CNTRL: variants seen among roughly 807,000 people sequenced by gnomAD.
The protein encoded by CNTRL is 110 kDa centrosomal protein.
In CNTRL, 233 loss-of-function variants were observed where a neutral mutation model predicts 303.7. The observed-to-expected ratio is 0.77, with a 90% confidence interval of 0.69 to 0.86. The LOEUF is 0.86. Among genes scored for constraint, CNTRL ranks in the 40% least tolerant of loss-of-function variants. CNTRL has a pLI of 0.00. For missense variants in CNTRL, 2,524 were observed against 2,650.6 expected, an observed-to-expected ratio of 0.95 and a Z score of 1.05; for synonymous variants, 900 against 922.2, an observed-to-expected ratio of 0.98 and a Z score of 0.44.
chr9:121,164,408 C>A (rs2053000501), intron 34 of CNTRL, among the ~76,000 whole-genome samples: 2 of 152,172 alleles, frequency 1.3e-5, no homozygotes, highest in South Asian at 2.1e-4. Flanking sequence ...AATTGTCTAT[C>A]ACCTGGTAAA....
rs1287361064 is a variant in CNTRL, at chr9:121,175,215, A to G, written c.6945A>G (p.Gly2315=). 1 of 1,613,950 alleles carries G rather than the reference A, an allele frequency of 6.2e-7. No homozygotes were observed. Among genetic ancestry groups the G allele is most frequent in the Non-Finnish European group, 8.5e-7 (1 of 1,179,936 alleles). ...CCCTCACAGAGGACTCTCAACTTGG[A>G]CAAAATCAGGTAAGCAGCAGCTCTT... ...ESSLTEDSQL[G]QNQEKNASAR is the part of the protein sequence containing the mutation. Residue 2315 remains glycine (G), a synonymous_variant, in exon 43 of 44, where the codon GGA becomes GGG. Transcript: ENST00000373855.
At chr9:121,131,787 T>C (rs1028567164) in intron 14 of CNTRL, among the ~76,000 whole-genome samples, 3 of 152,228 alleles carry the variant, frequency 2.0e-5, no homozygotes, top group Non-Finnish European at 4.4e-5. Context: ...TTCCTTTCCA[T>C]GTTTAGTGCT....
intron 16 of CNTRL, 46 bp downstream of exon 16, chr9:121,138,725 A>C: frequency 6.3e-7 from 1 of 1,592,700 alleles, no homozygotes; most frequent in Non-Finnish European, 8.6e-7. Flanking sequence ...AGAACACCCA[A>C]AGATGATGAT....
chr9:121,166,215 C>CT (rs1434513551), intron 36 of CNTRL, 35 bp downstream of exon 36: 2 of 1,439,878 alleles, frequency 1.4e-6, no homozygotes, highest in East Asian at 4.7e-5. Flanking sequence ...TAGTAGTATA[C>CT]TGAGGGTATG....
chr9:121,121,078 AGATATAG>A (rs2050203517), intron 12 of CNTRL, among the ~76,000 whole-genome samples: 1 of 152,218 alleles, frequency 6.6e-6, no homozygotes, highest in African/African-American at 2.4e-5. Context: ...ATTTTTCTAT[AGATATAG>A]GTAGACTTTT....
At chr9:121,081,350 C>T (rs2048133446) in intron 2 of CNTRL, among the ~76,000 whole-genome samples, 1 of 152,250 alleles carries the variant, frequency 6.6e-6, no homozygotes, top group Non-Finnish European at 1.5e-5. Context: ...TTGCCCCATA[C>T]ACCAGATACT....
chr9:121,166,153 C>G lies in CNTRL; in HGVS notation c.5628C>G (p.Val1876=), dbSNP rs780573886. The change falls in exon 36 of 44, where the codon GTC becomes GTG. Residue 1876 remains valine (V), a synonymous_variant. Transcript: ENST00000373855. ...VNSLQEELAN[V]QDHLNLAKQD... ...CACTGCAGGAGGAACTAGCTAATGTCCAAGACCATTTGAACCTAGCAAAAC... is the reference window on the plus strand; with the variant it reads ...CACTGCAGGAGGAACTAGCTAATGTGCAAGACCATTTGAACCTAGCAAAAC... The G allele has an allele frequency of 5.8e-5, 94 of 1,612,322 alleles. No homozygotes were observed. In the Middle Eastern group the frequency reaches 9.9e-4, roughly 17 times the overall value.
chr9:121,140,600 T>A, intron 16 of CNTRL, 41 bp from the exon 17 acceptor site: 1 of 1,531,438 alleles, frequency 6.5e-7, no homozygotes, highest in Non-Finnish European at 8.9e-7. Flanking sequence ...GAAAATATGC[T>A]GGCATGTAAT....
chr9:121,127,557 A>G (rs1240348927), intron 14 of CNTRL, among the ~76,000 whole-genome samples: 1 of 152,138 alleles, frequency 6.6e-6, no homozygotes, highest in Non-Finnish European at 1.5e-5. Flanking sequence ...CAAGAGGAAT[A>G]CAAATAACTC....
intron 34 of CNTRL, among the ~76,000 whole-genome samples, chr9:121,164,096 C>CCT (rs1231714278): frequency 6.6e-6 from 1 of 152,104 alleles, no homozygotes; most frequent in Non-Finnish European, 1.5e-5. Flanking sequence ...CATCCCCTGA[C>CCT]CTCGTGATCC....
intron 14 of CNTRL, among the ~76,000 whole-genome samples, chr9:121,129,299 T>C (rs941042636): frequency 6.6e-6 from 1 of 152,244 alleles, no homozygotes; most frequent in African/African-American, 2.4e-5. Flanking sequence ...CATTTGTTTG[T>C]GTCCTCTTTT....
At chr9:121,108,839 A>G (rs2049606171) in intron 8 of CNTRL, among the ~76,000 whole-genome samples, 1 of 152,182 alleles carries the variant, frequency 6.6e-6, no homozygotes, top group Non-Finnish European at 1.5e-5. Context: ...ACAAATTTAG[A>G]CAACACAACT....
intron 1 of CNTRL, among the ~76,000 whole-genome samples, chr9:121,079,921 G>A (rs982660290): frequency 2.9e-4 from 44 of 151,822 alleles, no homozygotes; most frequent in Admixed American, 1.1e-3. Context: ...TGGAGCGCAG[G>A]GGCACGATCT....
At chr9:121,081,888 G>A (rs1388941478) in intron 2 of CNTRL, among the ~76,000 whole-genome samples, 1 of 152,172 alleles carries the variant, frequency 6.6e-6, no homozygotes, top group African/African-American at 2.4e-5. Context: ...TAAAGGTTGT[G>A]GGGTTGGGCT....
At chr9:121,135,769 T>G in intron 14 of CNTRL, 37 bp from the exon 15 acceptor site, 1 of 1,565,334 alleles carries the variant, frequency 6.4e-7, no homozygotes, top group Non-Finnish European at 8.7e-7. Flanking sequence ...AGCAGCACAG[T>G]GAGGGTTCCA....
Position 121,175,242 on chromosome 9 carries a change from T to A in CNTRL, c.6954+18T>A, listed in dbSNP as rs759489713. The stretch of plus-strand genomic sequence containing the variant: ...AAAATCAGGTAAGCAGCAGCTCTTT[T>A]TAAAAACAAAACAATAGCCTGAGGT... On this transcript the variant is annotated intron_variant, in intron 43 of 43. Coordinates refer to ENST00000373855, the MANE Select transcript of CNTRL (RefSeq NM_007018.6). 2 of 1,610,986 alleles carry A rather than the reference T, an allele frequency of 1.2e-6. No individual in the cohort carries two copies. The highest frequency in any genetic ancestry group is 4.5e-5 in the East Asian group (2 of 44,842).
rs1588269496 is a variant in CNTRL, at chr9:121,150,315, A to G, written c.3795A>G (p.Pro1265=). The part of the protein sequence containing the change: ...PVPQGMALYA[P]PPPLPNNSRP... ...CCCAGGGCATGGCCCTGTATGCACC[A>G]CCTCCTCCCTTGCCAAACAATAGCC... The change falls in exon 25 of 44, where the codon CCA becomes CCG. Residue 1265 remains proline (P), a synonymous_variant. Transcript: ENST00000373855. The G allele has an allele frequency of 6.2e-7, 1 of 1,613,864 alleles. No homozygotes were observed. The highest frequency in any genetic ancestry group is 8.5e-7 in the Non-Finnish European group (1 of 1,179,942).
intron 42 of CNTRL, 63 bp downstream of exon 42, chr9:121,173,800 G>A: frequency 1.4e-6 from 2 of 1,449,376 alleles, no homozygotes; most frequent in Non-Finnish European, 1.9e-6. Flanking sequence ...GAGGGGAGGG[G>A]AAAGTTACAT....
In CNTRL at chr9:121,098,432, T is replaced by C. The variant is rs2048984110; in HGVS notation, c.668T>C (p.Leu223Pro). The C allele has an allele frequency of 1.2e-6, 2 of 1,613,570 alleles. No individual in the cohort carries two copies. The highest frequency in any genetic ancestry group is 1.7e-6 in the Non-Finnish European group (2 of 1,179,638). The part of the protein sequence containing the change: ...KLKPLQDLIS[L>P]ILVENPVVTL... ...AAACCGCTTCAAGATTTGATTTCTC[T>C]GATCCTAGTTGAAAATCCAGTTGTG... The change falls in exon 7 of 44, where the codon CTG becomes CCG. Residue 223 changes from leucine to proline, a missense_variant. Transcript: ENST00000373855.
Sources: allele counts gnomAD v4.1 joint callset (sites outside exome capture counted in the v4.1 genomes callset), GRCh38; gene constraint gnomAD v4.1.1; transcripts MANE v1.5; gene names NCBI Gene and HGNC (gene_info 2026-07-23, HGNC 2026-07-21).